The following ABI3 variants were observed in gnomAD, a reference collection of about 807,000 sequenced individuals.
ABI3 encodes ABI gene family member 3.
A neutral mutation model predicts 37.0 loss-of-function variants in ABI3; 24 were observed. That is an observed-to-expected ratio of 0.65 (90% confidence interval 0.47 to 0.91). ABI3 has a LOEUF of 0.91. ABI3 is among the 40% of genes least tolerant of loss of function. The pLI, the probability that ABI3 is intolerant of heterozygous loss-of-function variation, is 0.00. For synonymous variants in ABI3, 220 were observed against 211.8 expected (o/e 1.04, Z -0.34); for missense variants, 481 against 485.1 (o/e 0.99, Z 0.08).
At chr17:49,220,993 A>C (rs2043280570) in intron 6 of ABI3, among the ~76,000 whole-genome samples, 2 of 149,958 alleles carry the variant, frequency 1.3e-5, no homozygotes, top group African/African-American at 4.9e-5. Context: ...GTTTGAGACC[A>C]ACCTGGCCAA....
At position 49,222,198 on chromosome 17, in the gene ABI3, TG is replaced by T. The variant is rs753782741; in HGVS notation, c.913del (p.Val305CysfsTer10). 28 of 1,613,818 alleles carry T rather than the reference TG, an allele frequency of 1.7e-5. No individual in the cohort carries two copies. Among genetic ancestry groups the T allele is most frequent in the Non-Finnish European group, 2.4e-5 (28 of 1,179,864 alleles). On this transcript the variant is annotated frameshift_variant, in exon 7 of 8. Transcript: ENST00000225941. LOFTEE classifies it high-confidence loss of function. Reference sequence around the variant, plus strand: ...AGGATTTGGGCCTGATGAGCCCAGCTGGGTGCCTGCCTCATACTTGGAGAAA... The same window carrying T: ...AGGATTTGGGCCTGATGAGCCCAGCTGGTGCCTGCCTCATACTTGGAGAAA... ...PPGFGPDEPS[W>X]VPASYLEKVV...
chr17:49,216,480 A>C, intron 1 of ABI3, 51 bp from the exon 2 acceptor site: 1 of 1,423,614 alleles, frequency 7.0e-7, no homozygotes. Flanking sequence ...CAGCCAGCCA[A>C]GGACCCAGTG....
chr17:49,219,446 T>C lies in ABI3; in HGVS notation c.463-94T>C, dbSNP rs563257372. The C allele has an allele frequency of 8.7e-7, 1 of 1,147,410 alleles. No individual in the cohort carries two copies. Among genetic ancestry groups the C allele is most frequent in the East Asian group, 2.6e-5 (1 of 38,096 alleles). 71.1% of individuals were successfully genotyped at this position (1,147,410 alleles called of 1,614,324 possible). On this transcript the variant is annotated intron_variant, in intron 3 of 7. Coordinates refer to ENST00000225941, the MANE Select transcript of ABI3 (RefSeq NM_016428.3). The surrounding 1 kb of genome is among the most constrained non-coding windows in gnomAD (Gnocchi z 4.3). ...GGCTATGCCGGGCTCTCCCTCCCGGTTCCCGTCCGCCCCTCCTCCATTTCC... is the reference window on the plus strand; with the variant it reads ...GGCTATGCCGGGCTCTCCCTCCCGGCTCCCGTCCGCCCCTCCTCCATTTCC...
chr17:49,210,876 C>T lies in ABI3; in HGVS notation c.117+35C>T. On this transcript the variant is annotated intron_variant, in intron 1 of 7. Transcript: ENST00000225941. This position sits in a 1 kb window ranked among gnomAD's most constrained non-coding sequence, Gnocchi z 4.2. ...GCGGGCGGAAGCCTGACACCCCAGC[C>T]CCCGGAGGGGGGACCCTGAGCCCTG... is the stretch of plus-strand genomic sequence containing the variant. 2 of 1,518,408 alleles carry T rather than the reference C, an allele frequency of 1.3e-6. No homozygotes were observed. Among genetic ancestry groups the T allele is most frequent in the Non-Finnish European group, 8.9e-7 (1 of 1,119,626 alleles). The allele number at this position is 1,518,408 out of a possible 1,614,324, so 94.1% of individuals were successfully genotyped here. A position where few individuals can be genotyped will look rare whatever the true frequency, so the allele number is the denominator to read the frequency against.
In ABI3 at chr17:49,210,917, T is replaced by A; in HGVS notation, c.117+76T>A. 5 of 1,218,278 alleles carry A rather than the reference T, an allele frequency of 4.1e-6. No individual in the cohort carries two copies. The highest frequency in any genetic ancestry group is 5.8e-6 in the Non-Finnish European group (5 of 863,814). The allele number at this position is 1,218,278 out of a possible 1,614,324, so 75.5% of individuals were successfully genotyped here. A position where few individuals can be genotyped will look rare whatever the true frequency, so the allele number is the denominator to read the frequency against. On this transcript the variant is annotated intron_variant, in intron 1 of 7. Transcript: ENST00000225941. The surrounding 1 kb of genome is among the most constrained non-coding windows in gnomAD (Gnocchi z 4.2). ...CTGAGCCCTGCCCCAAGTGGGGCCC[T>A]GGGACCCATCCTGACAGTGCTTGTC... is the stretch of plus-strand genomic sequence containing the variant.
chr17:49,220,221 C>T lies in ABI3; in HGVS notation c.697C>T (p.Pro233Ser), dbSNP rs749017262. Reference sequence around the variant, plus strand: ...CACGCCCAAGGGGCAGGCAGCACCTCCAGCCCCACCTCTCCCCAGCTCCTT... The same window carrying T: ...CACGCCCAAGGGGCAGGCAGCACCTTCAGCCCCACCTCTCCCCAGCTCCTT... ...APTPKGQAAP[P>S]APPLPSSLDP... Residue 233 changes from proline (P) to serine (S), a missense_variant, in exon 6 of 8, where the codon CCA becomes TCA. Transcript: ENST00000225941. 5.0e-6 allele frequency: 8 copies of T among 1,611,940 alleles called. No individual in the cohort carries two copies. The South Asian group carries it at 8.8e-5, about 18-fold the overall frequency.
At position 49,220,150 on chromosome 17, in the gene ABI3, CG is replaced by C; in HGVS notation, c.645-16del. The C allele has an allele frequency of 1.9e-6, 3 of 1,611,502 alleles. No homozygotes were observed. The highest frequency in any genetic ancestry group is 2.5e-6 in the Non-Finnish European group (3 of 1,179,910). On this transcript the variant is annotated intron_variant, in intron 5 of 7. Transcript: ENST00000225941. ...CATTAGGGAAGGCGTGTCCGCCAACCGGGCTCTCTGGTGTTCAGCAGCGCCG... is the reference window on the plus strand; with the variant it reads ...CATTAGGGAAGGCGTGTCCGCCAACCGGCTCTCTGGTGTTCAGCAGCGCCG...
rs571384858 is a variant in ABI3, at chr17:49,223,159, G to T, written c.*444G>T. 3 of 409,514 alleles carry T rather than the reference G, an allele frequency of 7.3e-6. No homozygotes were observed. The highest frequency in any genetic ancestry group is 1.1e-4 in the South Asian group (1 of 9,202). The allele number at this position is 409,514 out of a possible 1,614,324, so 25.4% of individuals were successfully genotyped here. ...CCCATTTCCTCAGTACCCACAAAGT[G>T]CAGCCCACATTGGACCCCAGACACC... On this transcript the variant is annotated 3_prime_UTR_variant, in exon 8 of 8. Transcript: ENST00000225941.
chr17:49,214,750 C>T (rs893761390), intron 1 of ABI3, among the ~76,000 whole-genome samples: 1 of 152,210 alleles, frequency 6.6e-6, no homozygotes, highest in Admixed American at 6.5e-5. Context: ...TCAGCCACTG[C>T]CTGCTTACTC....
intron 1 of ABI3, among the ~76,000 whole-genome samples, chr17:49,215,472 A>G (rs897621709): frequency 2.5e-4 from 37 of 150,202 alleles, no homozygotes; most frequent in Non-Finnish European, 3.0e-5. Context: ...TGCAGACTGG[A>G]GCTAAACAGT....
At chr17:49,220,615 C>A (rs575368051) in intron 6 of ABI3, among the ~76,000 whole-genome samples, 1 of 151,990 alleles carries the variant, frequency 6.6e-6, no homozygotes, top group Admixed American at 6.6e-5. Flanking sequence ...GTGGCCGAGG[C>A]GCGCGGATCA....
At chr17:49,213,984 A>G (rs2043195988) in intron 1 of ABI3, among the ~76,000 whole-genome samples, 2 of 152,184 alleles carry the variant, frequency 1.3e-5, no homozygotes. Flanking sequence ...GAGGAGATGT[A>G]AGTTTTGGTG....
intron 6 of ABI3, among the ~76,000 whole-genome samples, chr17:49,221,847 T>C (rs2143545435): frequency 6.6e-6 from 1 of 152,216 alleles, no homozygotes; most frequent in South Asian, 2.1e-4. Context: ...GTCTCCCGAG[T>C]AGCTGGAATT....
In ABI3 at chr17:49,219,196, T is replaced by A. The variant is rs1279068538; in HGVS notation, c.463-344T>A. ...GTCCTCTCCTTTCTCCGCCCCCTCC[T>A]CAGCCCGATCAAAGTTAGGGACCAC... On this transcript the variant is annotated intron_variant, in intron 3 of 7. Transcript: ENST00000225941. This position sits in a 1 kb window ranked among gnomAD's most constrained non-coding sequence, Gnocchi z 4.3. Among the ~76,000 whole-genome samples the A allele has an allele frequency of 6.6e-6, 1 of 152,060 alleles. No individual in the cohort carries two copies. Among genetic ancestry groups the A allele is most frequent in the Non-Finnish European group, 1.5e-5 (1 of 67,994 alleles).
In ABI3 at chr17:49,222,856, G is replaced by A. The variant is rs1359077808; in HGVS notation, c.*141G>A. ...CTGTGTTCTGTCCTTCCTCCCATCG[G>A]AGGGAGAAGGGGTCCTGGGGAGAGA... On this transcript the variant is annotated 3_prime_UTR_variant, in exon 8 of 8. Transcript: ENST00000225941. 3 of 954,572 alleles carry A rather than the reference G, an allele frequency of 3.1e-6. No homozygotes were observed. The highest frequency in any genetic ancestry group is 1.6e-5 in the African/African-American group (1 of 60,630). 59.1% of individuals were successfully genotyped at this position (954,572 alleles called of 1,614,324 possible). A position where few individuals can be genotyped will look rare whatever the true frequency, so the allele number is the denominator to read the frequency against.
At chr17:49,211,659 G>C (rs1399387385) in intron 1 of ABI3, among the ~76,000 whole-genome samples, 2 of 151,946 alleles carry the variant, frequency 1.3e-5, no homozygotes, top group African/African-American at 2.4e-5. Context: ...GCAGAGCCAG[G>C]CATTCCTTTT....
chr17:49,219,672 A>AG lies in ABI3; in HGVS notation c.548+47_548+48insG. 1.3e-6 allele frequency: 2 copies of AG among 1,523,586 alleles called. No individual in the cohort carries two copies. Among genetic ancestry groups the AG allele is most frequent in the Non-Finnish European group, 1.8e-6 (2 of 1,120,844 alleles). The allele number at this position is 1,523,586 out of a possible 1,614,324, so 94.4% of individuals were successfully genotyped here. A position where few individuals can be genotyped will look rare whatever the true frequency, so the allele number is the denominator to read the frequency against. On this transcript the variant is annotated intron_variant, in intron 4 of 7. Coordinates refer to ENST00000225941, the MANE Select transcript of ABI3 (RefSeq NM_016428.3). This position sits in a 1 kb window ranked among gnomAD's most constrained non-coding sequence, Gnocchi z 4.3. Reference sequence around the variant, plus strand: ...AACTAGCCTAGCCCTGCCCCGCGCGACCCTGAAACTCTCCTCCCCCAGCCT... The same window carrying AG: ...AACTAGCCTAGCCCTGCCCCGCGCGAGCCCTGAAACTCTCCTCCCCCAGCCT...
At chr17:49,213,688 CGGTA>C (rs1323051855) in intron 1 of ABI3, among the ~76,000 whole-genome samples, 2 of 152,218 alleles carry the variant, frequency 1.3e-5, no homozygotes, top group African/African-American at 2.4e-5. Flanking sequence ...AGCCAGGGGT[CGGTA>C]GGTGTTCAGG....
In ABI3 at chr17:49,217,809, C is replaced by A. The variant is rs956906194; in HGVS notation, c.356C>A (p.Pro119His). ...ACCTTAGCCACTGTCCAGCGGCTGC[C>A]CCCCGGCCAGAAGGTCATCGCCCCA... ...IGTLATVQRL[P>H]PGQKVIAPEN... The change falls in exon 3 of 8, where the codon CCC (proline) becomes CAC (histidine). Residue 119 changes from proline (P) to histidine (H), a missense_variant. Transcript: ENST00000225941. The A allele has an allele frequency of 6.2e-7, 1 of 1,611,242 alleles. No individual in the cohort carries two copies. The highest frequency in any genetic ancestry group is 1.3e-5 in the African/African-American group (1 of 74,916).
Sources: allele counts gnomAD v4.1 joint callset (sites outside exome capture counted in the v4.1 genomes callset), GRCh38; gene constraint gnomAD v4.1.1; non-coding constraint Gnocchi (gnomAD v3.1); transcripts MANE v1.5; gene names NCBI Gene and HGNC (gene_info 2026-07-23, HGNC 2026-07-21).